Variants in GRM5 observed in about 807,000 individuals in gnomAD.
GRM5 encodes the protein glutamate metabotropic receptor 5.
GRM5 carries 19 observed loss-of-function variants against 83.1 expected under a neutral mutation model. That is an observed-to-expected ratio of 0.23 (90% CI 0.16 to 0.34). GRM5 has a LOEUF of 0.34. Ranked by LOEUF, GRM5 falls within the 10% of genes least tolerant of loss-of-function variation. The probability of loss-of-function intolerance (pLI) is 1.00; values close to 1 mark genes in which losing one functional copy is unlikely to be tolerated. For missense variants in GRM5, 1,160 were observed against 1,588.3 expected (o/e 0.73, Z 4.58); for synonymous variants, 675 against 633.6 (o/e 1.07, Z -0.98).
chr11:88,859,594 C>T (rs945241830), intron 2 of GRM5, among the ~76,000 whole-genome samples: 3 of 152,098 alleles, frequency 2.0e-5, no homozygotes, highest in African/African-American at 4.8e-5. Context: ...AAATAATTGA[C>T]AGCTAGTAAA....
chr11:88,682,652 A>C (rs1591437487), intron 3 of GRM5, among the ~76,000 whole-genome samples: 1 of 152,098 alleles, frequency 6.6e-6, no homozygotes, highest in East Asian at 1.9e-4. Context: ...CCCTTCTCTC[A>C]ATAATGAATT....
intron 3 of GRM5, among the ~76,000 whole-genome samples, chr11:88,685,582 C>T (rs553858084): frequency 5.9e-5 from 9 of 152,324 alleles, no homozygotes; most frequent in Non-Finnish European, 8.8e-5. Context: ...ATCTTCATGG[C>T]AGGCCCTCCC....
intron 8 of GRM5, among the ~76,000 whole-genome samples, chr11:88,526,238 C>T (rs1212952931): frequency 6.6e-6 from 1 of 152,140 alleles, no homozygotes; most frequent in African/African-American, 2.4e-5. Context: ...TGATGAGATT[C>T]CCAATATTAC....
At chr11:88,767,142 C>T (rs956477517) in intron 3 of GRM5, among the ~76,000 whole-genome samples, 1 of 151,846 alleles carries the variant, frequency 6.6e-6, no homozygotes, top group Non-Finnish European at 1.5e-5. Flanking sequence ...AGCCATTGTT[C>T]CTGGCCGAGA....
intron 8 of GRM5, among the ~76,000 whole-genome samples, chr11:88,549,443 GAA>G (rs796741502): frequency 2.7e-5 from 3 of 111,372 alleles, no homozygotes; most frequent in African/African-American, 9.8e-5. Flanking sequence ...TTGTCTCAAA[GAA>G]AAAAAAAAAA....
intron 3 of GRM5, among the ~76,000 whole-genome samples, chr11:88,769,066 C>T (rs951091059): frequency 1.0e-3 from 153 of 152,098 alleles, no homozygotes; most frequent in Admixed American, 4.3e-3. Flanking sequence ...TTAAGTACTG[C>T]GCTCTAGTCA....
chr11:88,947,112 A>C (rs1025164819), intron 2 of GRM5, among the ~76,000 whole-genome samples: 5 of 152,160 alleles, frequency 3.3e-5, no homozygotes, highest in African/African-American at 1.2e-4. Flanking sequence ...CAAATTTTTA[A>C]TAATGTAAGT....
chr11:88,905,246 T>C (rs1945382892), intron 2 of GRM5, among the ~76,000 whole-genome samples: 1 of 152,188 alleles, frequency 6.6e-6, no homozygotes, highest in African/African-American at 2.4e-5. Context: ...GCCATATTGA[T>C]GAGGGGTCGG....
intron 3 of GRM5, among the ~76,000 whole-genome samples, chr11:88,689,863 G>C (rs536477287): frequency 2.0e-5 from 3 of 152,132 alleles, no homozygotes; most frequent in South Asian, 2.1e-4. Flanking sequence ...AAGCCAGGGG[G>C]GTATAAACAG....
intron 3 of GRM5, among the ~76,000 whole-genome samples, chr11:88,788,367 T>C (rs867557994): frequency 1.1e-4 from 17 of 152,038 alleles, no homozygotes; most frequent in African/African-American, 2.9e-4. Flanking sequence ...CTGAGAGGGA[T>C]TGGAAAACAG....
chr11:89,044,405 A>G (rs1941599156), intron 2 of GRM5, among the ~76,000 whole-genome samples: 1 of 152,194 alleles, frequency 6.6e-6, no homozygotes, highest in Non-Finnish European at 1.5e-5. Context: ...CATAAATCAC[A>G]GGAAATAGCA....
At chr11:88,649,311 T>C (rs1939564435) in intron 4 of GRM5, among the ~76,000 whole-genome samples, 1 of 139,870 alleles carries the variant, frequency 7.1e-6, no homozygotes, top group South Asian at 2.1e-4. Context: ...ATACATTACA[T>C]ATTACATATA....
At chr11:88,945,434 A>G (rs1354723899) in intron 2 of GRM5, among the ~76,000 whole-genome samples, 1 of 152,100 alleles carries the variant, frequency 6.6e-6, no homozygotes, top group Non-Finnish European at 1.5e-5. Context: ...CTGAATACCC[A>G]AAGCAACTCT....
intron 5 of GRM5, among the ~76,000 whole-genome samples, chr11:88,598,675 G>C (rs967557942): frequency 6.6e-6 from 1 of 152,070 alleles, no homozygotes; most frequent in Non-Finnish European, 1.5e-5. Flanking sequence ...AAGAACTCAC[G>C]TATTATGTCA....
At chr11:88,556,575 C>T (rs2135154634) in intron 8 of GRM5, among the ~76,000 whole-genome samples, 1 of 152,154 alleles carries the variant, frequency 6.6e-6, no homozygotes, top group Non-Finnish European at 1.5e-5. Context: ...CCTGCCTTAG[C>T]CTCCCAAAGT....
intron 3 of GRM5, among the ~76,000 whole-genome samples, chr11:88,706,841 T>C (rs1434338057): frequency 6.6e-6 from 1 of 152,100 alleles, no homozygotes; most frequent in Non-Finnish European, 1.5e-5. Flanking sequence ...GGAATCAGTA[T>C]CTTGTTAAAG....
At chr11:88,528,857 C>T (rs905881281) in intron 8 of GRM5, among the ~76,000 whole-genome samples, 5 of 152,016 alleles carry the variant, frequency 3.3e-5, no homozygotes, top group African/African-American at 1.2e-4. Flanking sequence ...GAGGCAGACA[C>T]TGAAGATCAG....
intron 2 of GRM5, among the ~76,000 whole-genome samples, chr11:88,868,047 G>A (rs546644570): frequency 3.3e-5 from 5 of 152,000 alleles, no homozygotes; most frequent in African/African-American, 1.2e-4. Flanking sequence ...TTTGATTCCT[G>A]TATCCACAAT....
In GRM5 at chr11:88,764,999, G is replaced by T. The variant is rs541940909; in HGVS notation, c.911+84907C>A. On this transcript the variant is annotated intron_variant, in intron 3 of 9. Transcript: ENST00000305447. Reference sequence around the variant, plus strand: ...AAGGGGAGAAGACTCAATTACTAAAGTTAGAAATAAAAGTGGAGACATGAT... The same window carrying T: ...AAGGGGAGAAGACTCAATTACTAAATTTAGAAATAAAAGTGGAGACATGAT... Among the ~76,000 whole-genome samples, 4 of 151,398 alleles carry T rather than the reference G, an allele frequency of 2.6e-5. No individual in the cohort carries two copies. The East Asian group carries it at 7.8e-4, about 29-fold the overall frequency.
Sources: allele counts gnomAD v4.1 joint callset (sites outside exome capture counted in the v4.1 genomes callset), GRCh38; gene constraint gnomAD v4.1.1; transcripts MANE v1.5; gene names NCBI Gene and HGNC (gene_info 2026-07-23, HGNC 2026-07-21).